WDR33: variants seen among roughly 807,000 people sequenced by gnomAD.
The protein encoded by WDR33 is pre-mRNA 3' end processing protein WDR33.
WDR33 carries 47 observed loss-of-function variants against 164.9 expected under a neutral mutation model. That is an observed-to-expected ratio of 0.29 (90% confidence interval 0.23 to 0.36). The LOEUF (loss-of-function observed/expected upper bound fraction) is 0.36. Among genes scored for constraint, WDR33 ranks in the 10% least tolerant of loss-of-function variants. WDR33 has a pLI of 1.00. For synonymous variants in WDR33, 505 were observed against 589.0 expected (o/e 0.86, Z 2.06); for missense variants, 1,137 against 1,754.1 (o/e 0.65, Z 6.28).
Position 127,701,986 on chromosome 2 carries a change from T to C in WDR33, c.*4337A>G. On this transcript the variant is annotated 3_prime_UTR_variant, in exon 22 of 22. Coordinates refer to ENST00000322313, the MANE Select transcript of WDR33 (RefSeq NM_018383.5). ...CCCGCGCTGCTCTACATGGCAGCGC[T>C]GGGCGCCACGCTGTTCGCCGCGCTG... The C allele has an allele frequency of 1.5e-6, 2 of 1,356,194 alleles. No individual in the cohort carries two copies. The highest frequency in any genetic ancestry group is 3.8e-5 in the Admixed American group (1 of 26,274). The allele number at this position is 1,356,194 out of a possible 1,614,324, so 84.0% of individuals were successfully genotyped here.
At position 127,717,151 on chromosome 2, in the gene WDR33, T is replaced by G; in HGVS notation, c.2869+4A>C. 1 of 1,596,964 alleles carries G rather than the reference T, an allele frequency of 6.3e-7. No individual in the cohort carries two copies. The highest frequency in any genetic ancestry group is 8.5e-7 in the Non-Finnish European group (1 of 1,170,254). ...ATCTTTTATTCAGCTGAGCAGATATTTACCTTTGTTGGGGCCAGGTCCTTG... is the reference window on the plus strand; with the variant it reads ...ATCTTTTATTCAGCTGAGCAGATATGTACCTTTGTTGGGGCCAGGTCCTTG... On this transcript the variant is annotated splice_donor_region_variant and intron_variant, in intron 17 of 21. Transcript: ENST00000322313. This position sits in a 1 kb window ranked among gnomAD's most constrained non-coding sequence, Gnocchi z 5.6.
chr2:127,752,804 A>C (rs1687411157), intron 7 of WDR33, among the ~76,000 whole-genome samples: 1 of 152,226 alleles, frequency 6.6e-6, no homozygotes, highest in Non-Finnish European at 1.5e-5. Flanking sequence ...CATGTCTTCT[A>C]AATTTTTATC....
intron 1 of WDR33, among the ~76,000 whole-genome samples, chr2:127,795,568 G>GA (rs1342872781): frequency 6.7e-6 from 1 of 149,876 alleles, no homozygotes; most frequent in Non-Finnish European, 1.5e-5. Context: ...AAATACAGAG[G>GA]AAAAAAGTTA....
At chr2:127,711,766 A>ATTTT (rs1309830917) in intron 18 of WDR33, among the ~76,000 whole-genome samples, 5 of 72,622 alleles carry the variant, frequency 6.9e-5, no homozygotes, top group African/African-American at 2.6e-4. Flanking sequence ...ATATATATAT[A>ATTTT]TATATATATA....
chr2:127,783,080 T>C (rs1688431307), intron 1 of WDR33, among the ~76,000 whole-genome samples: 2 of 152,244 alleles, frequency 1.3e-5, no homozygotes, highest in South Asian at 4.1e-4. Context: ...TACACCATTT[T>C]ATTTAAAGGA....
At position 127,712,042 on chromosome 2, in the gene WDR33, G is replaced by A. The variant is rs556614506; in HGVS notation, c.3308+1541C>T. On this transcript the variant is annotated intron_variant, in intron 18 of 21. Coordinates refer to ENST00000322313, the MANE Select transcript of WDR33 (RefSeq NM_018383.5). The surrounding 1 kb of genome is among the most constrained non-coding windows in gnomAD (Gnocchi z 4.0). ...CCACCTCGGCCTCCCAAAGTGCTGG[G>A]ATTACAAGCGTGAGCCACTGTGCCC... 8.7e-4 allele frequency among the ~76,000 whole-genome samples: 132 copies of A among 151,754 alleles called. No homozygotes were observed. Among genetic ancestry groups the A allele is most frequent in the Non-Finnish European group, 1.5e-3 (105 of 67,916 alleles).
In WDR33 at chr2:127,706,291, C is replaced by T. The variant is rs186695270; in HGVS notation, c.*32G>A. 31 of 1,514,098 alleles carry T rather than the reference C, an allele frequency of 2.0e-5. No homozygotes were observed. The highest frequency in any genetic ancestry group is 2.7e-5 in the Non-Finnish European group (31 of 1,132,038). The allele number at this position is 1,514,098 out of a possible 1,614,324, so 93.8% of individuals were successfully genotyped here. On this transcript the variant is annotated 3_prime_UTR_variant, in exon 22 of 22. Coordinates refer to ENST00000322313, the MANE Select transcript of WDR33 (RefSeq NM_018383.5). This position sits in a 1 kb window ranked among gnomAD's most constrained non-coding sequence, Gnocchi z 5.1. Reference sequence around the variant, plus strand: ...CCACAAGAAGTTCTTACATACTGTCCAGAGAGGCCTCAGGGTACTCAGTTC... The same window carrying T: ...CCACAAGAAGTTCTTACATACTGTCTAGAGAGGCCTCAGGGTACTCAGTTC...
Position 127,725,119 on chromosome 2 carries a change from A to G in WDR33, c.948T>C (p.Asp316=). Residue 316 remains aspartate (D), a synonymous_variant, in exon 9 of 22, where the codon GAT becomes GAC. Transcript: ENST00000322313. The part of the protein sequence containing the change: ...ASRDHLCKLF[D]IRNLKEELQV... ...GAAGCTCTTCTTTTAGGTTTCTGAT[A>G]TCAAAAAGTTTACAGAGATGATCAC... 1 of 1,613,730 alleles carries G rather than the reference A, an allele frequency of 6.2e-7. No individual in the cohort carries two copies.
chr2:127,752,339 C>G (rs1687392136), intron 7 of WDR33, among the ~76,000 whole-genome samples: 1 of 151,938 alleles, frequency 6.6e-6, no homozygotes, highest in African/African-American at 2.4e-5. Flanking sequence ...GCCTGTAATC[C>G]CAGCACTTTG....
chr2:127,788,285 C>G (rs1256559855), intron 1 of WDR33, among the ~76,000 whole-genome samples: 1 of 128,178 alleles, frequency 7.8e-6, no homozygotes, highest in South Asian at 2.5e-4. Context: ...GGCGGCCGGC[C>G]GGGCGGGGGG....
intron 21 of WDR33, among the ~76,000 whole-genome samples, chr2:127,707,996 T>C (rs1486540701): frequency 6.6e-6 from 1 of 152,076 alleles, no homozygotes; most frequent in African/African-American, 2.4e-5. Context: ...GGACCGTCCA[T>C]ACAGACAGGC....
In WDR33 at chr2:127,768,310, T is replaced by C; in HGVS notation, c.274-17A>G. On this transcript the variant is annotated splice_polypyrimidine_tract_variant and intron_variant, in intron 3 of 21. Coordinates refer to ENST00000322313, the MANE Select transcript of WDR33 (RefSeq NM_018383.5). ...TGGGACCAGCTACAAAAAAGGAAAA[T>C]TGGGTTCTTAGAGCTCCTGATTACA... is the stretch of plus-strand genomic sequence containing the variant. 5.3e-6 allele frequency: 8 copies of C among 1,498,460 alleles called. No homozygotes were observed. Among genetic ancestry groups the C allele is most frequent in the Non-Finnish European group, 6.3e-6 (7 of 1,111,082 alleles). The allele number at this position is 1,498,460 out of a possible 1,614,324, so 92.8% of individuals were successfully genotyped here.
rs1686229211 is a variant in WDR33 at position 127,713,584 on chromosome 2, T to C, written c.3307A>G (p.Ser1103Gly). 1 of 1,614,062 alleles carries C rather than the reference T, an allele frequency of 6.2e-7. No homozygotes were observed. ...DPRFRGRREESFRRGAPPRHE... is the reference protein window; with the variant it reads ...DPRFRGRREEGFRRGAPPRHE... ...GGGCCCACAAAGTATCTGTCCCACC[T>C]TTCTTCTCTGCGCCCTCGAAAACGT... The change falls in exon 18 of 22, where the codon AGT becomes GGT. Residue 1103 changes from serine to glycine, a missense_variant and splice_region_variant. Ser to Gly is a moderately conservative substitution (Grantham distance 56). Transcript: ENST00000322313. The surrounding 1 kb of genome is among the most constrained non-coding windows in gnomAD (Gnocchi z 6.2).
chr2:127,804,935 AT>A (rs1689378786), intron 1 of WDR33, among the ~76,000 whole-genome samples: 1 of 152,230 alleles, frequency 6.6e-6, no homozygotes, highest in Non-Finnish European at 1.5e-5. Context: ...CAATGGACAC[AT>A]TAACCAGGTA....
In WDR33 at chr2:127,763,289, G is replaced by A; in HGVS notation, c.627-130C>T. ...GGAGAGGGAAGAATCCAGTGAAGAA[G>A]CCCTTAAAGTGAATGTCGTCAGCTA... On this transcript the variant is annotated intron_variant, in intron 6 of 21. Coordinates refer to ENST00000322313, the MANE Select transcript of WDR33 (RefSeq NM_018383.5). This position sits in a 1 kb window ranked among gnomAD's most constrained non-coding sequence, Gnocchi z 4.5. 6.7e-7 allele frequency: 1 copy of A among 1,488,948 alleles called. No individual in the cohort carries two copies. Among genetic ancestry groups the A allele is most frequent in the Non-Finnish European group, 8.9e-7 (1 of 1,119,528 alleles). The allele number at this position is 1,488,948 out of a possible 1,614,324, so 92.2% of individuals were successfully genotyped here.
intron 7 of WDR33, among the ~76,000 whole-genome samples, chr2:127,761,294 G>A (rs868117804): frequency 1.3e-5 from 2 of 152,022 alleles, no homozygotes; most frequent in African/African-American, 4.8e-5. Flanking sequence ...TCCGCCACCT[G>A]GATTCACACC....
At chr2:127,711,780 A>ATATATTTTTTTTTTTTTTTTTT in intron 18 of WDR33, among the ~76,000 whole-genome samples, 1 of 88,320 alleles carries the variant, frequency 1.1e-5, no homozygotes, top group African/African-American at 6.5e-5. Context: ...ATATATATAT[A>ATATATTTTTTTTTTTTTTTTTT]TTTTTTTTTT....
rs1685870382 is a variant in WDR33, at chr2:127,701,301, G to A, written c.*5022C>T. 2 of 357,942 alleles carry A rather than the reference G, an allele frequency of 5.6e-6. No homozygotes were observed. The highest frequency in any genetic ancestry group is 7.5e-4 in the Middle Eastern group (1 of 1,340). 22.2% of individuals were successfully genotyped at this position (357,942 alleles called of 1,614,324 possible). ...GGGCGCCTACTCCGAACAAGGAAGA[G>A]GGTCAGGCGCTGGGAGGGCGACTGC... On this transcript the variant is annotated 3_prime_UTR_variant, in exon 22 of 22. Transcript: ENST00000322313.
At position 127,712,254 on chromosome 2, in the gene WDR33, A is replaced by G. The variant is rs1175580616; in HGVS notation, c.3308+1329T>C. Among the ~76,000 whole-genome samples the G allele has an allele frequency of 6.6e-6, 1 of 152,082 alleles. No homozygotes were observed. Among genetic ancestry groups the G allele is most frequent in the Non-Finnish European group, 1.5e-5 (1 of 67,990 alleles). ...TCTACTAAAAATACAAAAATTAGCC[A>G]GGCAAGGTGGTGTGAGCCTGTATCC... is the stretch of plus-strand genomic sequence containing the variant. On this transcript the variant is annotated intron_variant, in intron 18 of 21. Transcript: ENST00000322313. The surrounding 1 kb of genome is among the most constrained non-coding windows in gnomAD (Gnocchi z 4.0).
Sources: allele counts gnomAD v4.1 joint callset (sites outside exome capture counted in the v4.1 genomes callset), GRCh38; gene constraint gnomAD v4.1.1; non-coding constraint Gnocchi (gnomAD v3.1); transcripts MANE v1.5; gene names NCBI Gene and HGNC (gene_info 2026-07-23, HGNC 2026-07-21).